Variants in TTN observed in about 807,000 individuals in gnomAD.
TTN encodes the protein titin.
A neutral mutation model predicts 3,223.0 loss-of-function variants in TTN; 1,525 were observed. The ratio of observed to expected loss-of-function variants is 0.47; its 90% confidence interval spans 0.45 to 0.49. TTN has a LOEUF of 0.49. Ranked by LOEUF, TTN falls within the 20% of genes least tolerant of loss-of-function variation. TTN has a pLI of 0.00. For missense variants in TTN, 40,786 were observed against 43,424.0 expected (o/e 0.94, Z 5.40); for synonymous variants, 14,094 against 15,161.0 (o/e 0.93, Z 5.17).
chr2:178,613,875 T>C lies in TTN; in HGVS notation c.49408A>G (p.Thr16470Ala). 6.2e-7 allele frequency: 1 copy of C among 1,611,398 alleles called. No individual in the cohort carries two copies. Among genetic ancestry groups the C allele is most frequent in the Non-Finnish European group, 8.5e-7 (1 of 1,178,638 alleles). The part of the protein sequence containing the change: ...SDITKDAVTL[T>A]WCEPDDDGGS... ...CCATCATCATCTGGCTCACACCATGTGAGAGTCACTGCGTCTTTAGTGATA... is the reference window on the plus strand; with the variant it reads ...CCATCATCATCTGGCTCACACCATGCGAGAGTCACTGCGTCTTTAGTGATA... Residue 16470 changes from threonine (T) to alanine (A), a missense_variant, in exon 263 of 363, where the codon ACA becomes GCA. Transcript: ENST00000589042.
Position 178,613,792 on chromosome 2 carries a change from C to T in TTN, c.49491G>A (p.Trp16497Ter). 1 of 1,612,444 alleles carries T rather than the reference C, an allele frequency of 6.2e-7. No individual in the cohort carries two copies. Among genetic ancestry groups the T allele is most frequent in the Non-Finnish European group, 8.5e-7 (1 of 1,178,960 alleles). ...VERLDPDTDK[W>*]VRCNKMPVKD... is the part of the protein sequence containing the mutation. ...TTACTGGCATCTTATTGCATCTAAC[C>T]CATTTATCTGTATCAGGATCCAGTC... The change falls in exon 263 of 363, where the codon TGG (tryptophan) becomes TGA (stop). Residue 16497 changes from tryptophan (W) to a stop codon, truncating the protein, a stop_gained. Transcript: ENST00000589042. LOFTEE classifies it high-confidence loss of function.
chr2:178,740,748 GAGA>G lies in TTN; in HGVS notation c.12482_12484del (p.Phe4161del). 6.2e-7 allele frequency: 1 copy of G among 1,613,742 alleles called. No individual in the cohort carries two copies. Among genetic ancestry groups the G allele is most frequent in the South Asian group, 1.1e-5 (1 of 91,078 alleles). ...TTCAGGCATTAGAATACCTTCTTTG[GAGA>G]AGGTTTTCTGGGACTGTACAATCTG... On this transcript the variant is annotated inframe_deletion, in exon 48 of 363. Transcript: ENST00000589042.
In TTN at chr2:178,558,223, A is replaced by G. The variant is rs768120552; in HGVS notation, c.87131T>C (p.Ile29044Thr). ...LIKEQLEPPE[I>T]DMKNFPSHTV... Reference sequence around the variant, plus strand: ...GTGACTTGGGAAATTCTTCATATCAATTTCAGGTGGTTCTGAAAAATGAGT... The same window carrying G: ...GTGACTTGGGAAATTCTTCATATCAGTTTCAGGTGGTTCTGAAAAATGAGT... The change falls in exon 328 of 363, where the codon ATT (isoleucine) becomes ACT (threonine). Residue 29044 changes from isoleucine to threonine, a missense_variant. By Grantham distance (89) the Ile-to-Thr change is moderately conservative (BLOSUM62 -1). Transcript: ENST00000589042. 4.4e-6 allele frequency: 7 copies of G among 1,605,194 alleles called. No homozygotes were observed. The East Asian group carries it at 6.7e-5, about 15-fold the overall frequency.
In TTN at chr2:178,533,484, G is replaced by T; in HGVS notation, c.103131C>A (p.Gly34377=). 1.2e-6 allele frequency: 2 copies of T among 1,613,370 alleles called. No individual in the cohort carries two copies. Among genetic ancestry groups the T allele is most frequent in the Non-Finnish European group, 1.7e-6 (2 of 1,179,382 alleles). Residue 34377 remains glycine, a synonymous_variant, in exon 358 of 363, where the codon GGC becomes GGA. Transcript: ENST00000589042. ...RLLANAECQE[G]QSVCFEIRVS... is the part of the protein sequence containing the mutation. ...CTCTGATCTCAAAGCAGACACTTTGGCCTTCTTGGCATTCTGCATTTGCCA... is the reference window on the plus strand; with the variant it reads ...CTCTGATCTCAAAGCAGACACTTTGTCCTTCTTGGCATTCTGCATTTGCCA...
chr2:178,566,315 G>C lies in TTN; in HGVS notation c.79817C>G (p.Ala26606Gly), dbSNP rs779734456. Residue 26606 changes from alanine to glycine, a missense_variant, in exon 326 of 363, where the codon GCT becomes GGT. Physicochemically the swap from Ala to Gly is moderately conservative, Grantham distance 60. Coordinates refer to ENST00000589042, the MANE Select transcript of TTN (RefSeq NM_001267550.2). ...AATGTGAATTCTGGCAGATCCACCA[G>C]CTCTTACAACAATTCCTTTTCTTAA... ...SELRKGIVVR[A>G]GGSARIHIPF... The C allele has an allele frequency of 6.2e-7, 1 of 1,613,612 alleles. No homozygotes were observed. Among genetic ancestry groups the C allele is most frequent in the Middle Eastern group, 1.7e-4 (1 of 6,058 alleles).
At chr2:178,602,199 A>C in intron 283 of TTN, 49 bp from the exon 284 acceptor site, 1 of 1,593,062 alleles carries the variant, frequency 6.3e-7, no homozygotes. Context: ...ATTTGTCAAA[A>C]GTAATTGAAA....
chr2:178,613,206 T>G lies in TTN; in HGVS notation c.49603A>C (p.Lys16535Gln). The change falls in exon 264 of 363, where the codon AAA becomes CAA. Residue 16535 changes from lysine to glutamine, a missense_variant. Coordinates refer to ENST00000589042, the MANE Select transcript of TTN (RefSeq NM_001267550.2). ...VLAENLAGPG[K>Q]PSKSTEPILI... ...ATTGGTTCAGTTGATTTGCTTGGTTTTCCAGGTCCAGCAAGATTTTCAGCC... is the reference window on the plus strand; with the variant it reads ...ATTGGTTCAGTTGATTTGCTTGGTTGTCCAGGTCCAGCAAGATTTTCAGCC... The G allele has an allele frequency of 1.9e-6, 3 of 1,611,588 alleles. No individual in the cohort carries two copies. The highest frequency in any genetic ancestry group is 2.5e-6 in the Non-Finnish European group (3 of 1,178,884).
In TTN at chr2:178,570,555, T is replaced by C. The variant is rs1175414210; in HGVS notation, c.75577A>G (p.Arg25193Gly). Residue 25193 changes from arginine (R) to glycine (G), a missense_variant, in exon 326 of 363, where the codon AGA (arginine) becomes GGA (glycine). Physicochemically the swap from Arg to Gly is moderately radical, Grantham distance 125. Coordinates refer to ENST00000589042, the MANE Select transcript of TTN (RefSeq NM_001267550.2). ...ACCTTGACATTCACAGTAACTGATC[T>C]TTCTCCTGCAACATTTTTGGCCTTC... ...ILKAKNVAGE[R>G]SVTVNVKVLD... is the part of the protein sequence containing the mutation. The C allele has an allele frequency of 6.2e-7, 1 of 1,613,368 alleles. No individual in the cohort carries two copies. The highest frequency in any genetic ancestry group is 1.7e-5 in the Admixed American group (1 of 59,970).
Position 178,733,023 on chromosome 2 carries a change from G to C in TTN, c.16153C>G (p.Pro5385Ala), listed in dbSNP as rs368729048. 6 of 1,613,354 alleles carry C rather than the reference G, an allele frequency of 3.7e-6. No homozygotes were observed. The highest frequency in any genetic ancestry group is 5.1e-6 in the Non-Finnish European group (6 of 1,179,698). ...TCCTTAAACCAGGACACCCTCATGG[G>C]GAGGGAGCCTGCAATTTTGCAGTCC... ...RLDCKIAGSL[P>A]MRVSWFKDGK... Residue 5385 changes from proline to alanine, a missense_variant, in exon 55 of 363, where the codon CCC (proline) becomes GCC (alanine). Pro to Ala is a conservative substitution (Grantham distance 27). Coordinates refer to ENST00000589042, the MANE Select transcript of TTN (RefSeq NM_001267550.2).
Position 178,740,322 on chromosome 2 carries a change from A to G in TTN, c.12911T>C (p.Leu4304Ser). ...TTCCAGTGGATTTGCACTTTCTATC[A>G]AAATTTTACCTCCTTCTGTGCATGA... ...EHSCTEGGKI[L>S]IESANPLENA... Residue 4304 changes from leucine (L) to serine (S), a missense_variant, in exon 48 of 363, where the codon TTG (leucine) becomes TCG (serine). Transcript: ENST00000589042. 1 of 1,613,710 alleles carries G rather than the reference A, an allele frequency of 6.2e-7. No homozygotes were observed. Among genetic ancestry groups the G allele is most frequent in the Non-Finnish European group, 8.5e-7 (1 of 1,179,794 alleles).
At chr2:178,767,684 G>A in intron 40 of TTN, 75 bp downstream of exon 40, 1 of 1,583,672 alleles carries the variant, frequency 6.3e-7, no homozygotes, top group Non-Finnish European at 8.6e-7. Context: ...AATGTAAAAG[G>A]GAAACATTAA....
At position 178,568,024 on chromosome 2, in the gene TTN, C is replaced by T. The variant is rs904868866; in HGVS notation, c.78108G>A (p.Leu26036=). ...HLERKERNSI[L]WTKVNKTIIH... is the part of the protein sequence containing the mutation. ...TAATAGTTTTGTTGACCTTTGTCCA[C>T]AAAATACTGTTTCTTTCTTTTCTCT... The change falls in exon 326 of 363, where the codon TTG becomes TTA. Residue 26036 remains leucine (L), a synonymous_variant. Coordinates refer to ENST00000589042, the MANE Select transcript of TTN (RefSeq NM_001267550.2). 1 of 1,613,372 alleles carries T rather than the reference C, an allele frequency of 6.2e-7. No individual in the cohort carries two copies.
intron 15 of TTN, 133 bp from the exon 16 acceptor site, chr2:178,784,484 G>T: frequency 1.8e-6 from 2 of 1,107,760 alleles, no homozygotes; most frequent in Non-Finnish European, 2.5e-6. Context: ...TTATCACACA[G>T]TTAATGAAAA....
At position 178,635,978 on chromosome 2, in the gene TTN, A is replaced by C; in HGVS notation, c.41593T>G (p.Cys13865Gly). 6.3e-7 allele frequency: 1 copy of C among 1,599,762 alleles called. No individual in the cohort carries two copies. The highest frequency in any genetic ancestry group is 8.5e-7 in the Non-Finnish European group (1 of 1,171,138). ...ENANNLECSS[C>G]VKVVEVIRDW... ...AAGTACTAACCTACTACTTTTACGCAAGATGAACACTCCAGGTTGTTGGCG... is the reference window on the plus strand; with the variant it reads ...AAGTACTAACCTACTACTTTTACGCCAGATGAACACTCCAGGTTGTTGGCG... The change falls in exon 226 of 363, where the codon TGC becomes GGC. Residue 13865 changes from cysteine to glycine, a missense_variant. Coordinates refer to ENST00000589042, the MANE Select transcript of TTN (RefSeq NM_001267550.2).
rs72648936 is a variant in TTN, at chr2:178,733,050, G to A, written c.16126C>T (p.Leu5376=). Residue 5376 remains leucine (L), a synonymous_variant, in exon 55 of 363, where the codon CTG becomes TTG. Coordinates refer to ENST00000589042, the MANE Select transcript of TTN (RefSeq NM_001267550.2). ...AGGGAGCCTGCAATTTTGCAGTCCA[G>A]TCTGCAGGTACCATTAACAACACTA... ...VDSVVNGTCR[L]DCKIAGSLPM... The A allele has an allele frequency of 3.7e-6, 6 of 1,613,120 alleles. No homozygotes were observed. The highest frequency in any genetic ancestry group is 3.4e-6 in the Non-Finnish European group (4 of 1,179,572).
chr2:178,778,417 A>T (rs2092451114), intron 24 of TTN: 1 of 230,386 alleles, frequency 4.3e-6, no homozygotes, highest in Non-Finnish European at 8.6e-6. Context: ...ATTTGGAAAC[A>T]AAACAAAGCA....
rs935570365 is a variant in TTN, at chr2:178,594,089, A to G, written c.58304T>C (p.Ile19435Thr). The change falls in exon 297 of 363, where the codon ATA (isoleucine) becomes ACA (threonine). Residue 19435 changes from isoleucine to threonine, a missense_variant. Ile to Thr is a moderately conservative substitution (Grantham distance 89). Coordinates refer to ENST00000589042, the MANE Select transcript of TTN (RefSeq NM_001267550.2). ...AGCAAGTGTTGCTGGTGTAGTCTTT[A>G]TATGAGTGCGATCATCTTCCAGCAC... is the stretch of plus-strand genomic sequence containing the variant. ...ADVLEDDRTH[I>T]KTTPATLALE... The G allele has an allele frequency of 6.2e-7, 1 of 1,613,464 alleles. No individual in the cohort carries two copies. The highest frequency in any genetic ancestry group is 8.5e-7 in the Non-Finnish European group (1 of 1,179,636).
At position 178,537,819 on chromosome 2, in the gene TTN, G is replaced by A. The variant is rs1692281859; in HGVS notation, c.99388C>T (p.Pro33130Ser). The change falls in exon 355 of 363, where the codon CCT becomes TCT. Residue 33130 changes from proline to serine, a missense_variant. Pro to Ser is a moderately conservative substitution (Grantham distance 74). Transcript: ENST00000589042. ...CCAAATCTGTACCATTTAATGTCAG[G>A]AAGAGGCCTTCCAACAATCTGGCAT... ...LSCQIVGRPL[P>S]DIKWYRFGKE... 6.2e-7 allele frequency: 1 copy of A among 1,613,638 alleles called. No homozygotes were observed. The highest frequency in any genetic ancestry group is 1.1e-5 in the South Asian group (1 of 91,052).
Position 178,565,276 on chromosome 2 carries a change from T to TA in TTN, c.80855dup (p.Thr26953AsnfsTer5). 6.2e-7 allele frequency: 1 copy of TA among 1,613,642 alleles called. No individual in the cohort carries two copies. ...CTGTGCCTGCACTATTTGTTGCCGT[T>TA]ACGGTGTATTTTCCAAAGTCATCTT... On this transcript the variant is annotated frameshift_variant, in exon 326 of 363. Transcript: ENST00000589042. LOFTEE classifies it high-confidence loss of function.
Sources: gnomAD v4.1 joint callset for allele counts on GRCh38, gnomAD v4.1.1 for gene constraint, MANE v1.5 for transcripts, NCBI Gene and HGNC (gene_info 2026-07-23, HGNC 2026-07-21) for gene names.